Variants in CEACAM16 observed in about 807,000 individuals in gnomAD.
CEACAM16 encodes CEA cell adhesion molecule 16, tectorial membrane component.
CEACAM16 carries 30 observed loss-of-function variants against 39.4 expected under a neutral mutation model. That is an observed-to-expected ratio of 0.76 (90% CI 0.57 to 1.03). The LOEUF is 1.03. Among genes scored for constraint, CEACAM16 ranks in the 50% least tolerant of loss-of-function variants. The pLI is 0.00. For synonymous variants in CEACAM16, 262 were observed against 264.9 expected (o/e 0.99, Z 0.11); for missense variants, 521 against 585.3 (o/e 0.89, Z 1.13).
At chr19:44,709,683 A>T (rs1357640290) in intron 6 of CEACAM16, among the ~76,000 whole-genome samples, 9 of 125,994 alleles carry the variant, frequency 7.1e-5, no homozygotes, top group South Asian at 2.7e-4. Flanking sequence ...AGAGTCAGGG[A>T]CCATGTCTCC....
chr19:44,701,531 C>G lies in CEACAM16; in HGVS notation c.37+38C>G. On this transcript the variant is annotated intron_variant, in intron 2 of 6. Transcript: ENST00000587331. The surrounding 1 kb of genome is among the most constrained non-coding windows in gnomAD (Gnocchi z 4.0). The stretch of plus-strand genomic sequence containing the variant: ...GGCACCCCCCAGCACCTCAGCCCCC[C>G]GAGGACCCCAGGGAGGGGAGGGGAC... 2 of 1,550,746 alleles carry G rather than the reference C, an allele frequency of 1.3e-6. No homozygotes were observed. Among genetic ancestry groups the G allele is most frequent in the Non-Finnish European group, 1.7e-6 (2 of 1,146,282 alleles).
intron 6 of CEACAM16, 71 bp from the exon 7 acceptor site, chr19:44,710,407 AGGGGAGCAGAAGGGGTGG>A: frequency 7.0e-7 from 1 of 1,423,506 alleles, no homozygotes; most frequent in African/African-American, 1.4e-5. Flanking sequence ...CGGGGTGGGC[AGGGGAGCAGAAGGGGTGG>A]GGGCACTGGG....
chr19:44,710,347 C>A, intron 6 of CEACAM16, 149 bp from the exon 7 acceptor site: 1 of 784,486 alleles, frequency 1.3e-6, no homozygotes, highest in Non-Finnish European at 2.0e-6. Context: ...CTTCCTGAAC[C>A]TGAACCTGGC....
chr19:44,703,612 C>T lies in CEACAM16; in HGVS notation c.301C>T (p.Arg101Trp), dbSNP rs747880397. 1.2e-5 allele frequency: 20 copies of T among 1,608,994 alleles called. No homozygotes were observed. The highest frequency in any genetic ancestry group is 1.1e-5 in the South Asian group (1 of 90,510). ...CCTGGACATCCAGGGCATCCTGCCCCGGCACTCAGGCACCTACATCCTGCA... is the reference window on the plus strand; with the variant it reads ...CCTGGACATCCAGGGCATCCTGCCCTGGCACTCAGGCACCTACATCCTGCA... ...GSLDIQGILP[R>W]HSGTYILQTF... is the part of the protein sequence containing the mutation. The change falls in exon 3 of 7, where the codon CGG becomes TGG. Residue 101 changes from arginine (R) to tryptophan (W), a missense_variant. Coordinates refer to ENST00000587331, the MANE Select transcript of CEACAM16 (RefSeq NM_001039213.4).
chr19:44,710,589 C>T lies in CEACAM16; in HGVS notation c.*83C>T. 3 of 1,551,744 alleles carry T rather than the reference C, an allele frequency of 1.9e-6. No individual in the cohort carries two copies. The highest frequency in any genetic ancestry group is 2.7e-6 in the Non-Finnish European group (3 of 1,123,652). ...CGCCCTCTGAGTGGGAACCACTCCC[C>T]CACAGCGAGGATGCCAGGCTGTGGT... is the stretch of plus-strand genomic sequence containing the variant. On this transcript the variant is annotated 3_prime_UTR_variant, in exon 7 of 7. Transcript: ENST00000587331.
At chr19:44,705,978 A>C (rs1434662411) in intron 5 of CEACAM16, 110 bp downstream of exon 5, 1 of 1,294,520 alleles carries the variant, frequency 7.7e-7, no homozygotes, top group Non-Finnish European at 1.1e-6. Context: ...GTAGATTCAC[A>C]GTTCATTCAT....
chr19:44,709,611 C>A (rs987837462), intron 6 of CEACAM16, among the ~76,000 whole-genome samples: 2 of 137,712 alleles, frequency 1.5e-5, no homozygotes, highest in Non-Finnish European at 3.1e-5. Flanking sequence ...CATGTCTCCT[C>A]CATCAGACTG....
At chr19:44,708,895 C>G (rs1974492481) in intron 6 of CEACAM16, among the ~76,000 whole-genome samples, 1 of 151,448 alleles carries the variant, frequency 6.6e-6, no homozygotes, top group African/African-American at 2.4e-5. Flanking sequence ...ACAATGTCTC[C>G]CCCATTGGAT....
chr19:44,703,744 CCTT>C, intron 3 of CEACAM16, 51 bp downstream of exon 3: 3 of 1,281,200 alleles, frequency 2.3e-6, no homozygotes, highest in Non-Finnish European at 3.1e-6. Flanking sequence ...CTTCCCATCT[CCTT>C]CTCAATCCTT....
rs144984805 is a variant in CEACAM16 at position 44,705,921 on chromosome 19, G to A, written c.940+53G>A. The A allele has an allele frequency of 4.0e-5, 62 of 1,564,294 alleles. No individual in the cohort carries two copies. In the African/African-American group the frequency reaches 5.8e-4, roughly 15 times the overall value. ...CCAGTCCCCATGGAGGCCTCATCAGGCTGCGAAGGTTAAGCCACCATTTGC... is the reference window on the plus strand; with the variant it reads ...CCAGTCCCCATGGAGGCCTCATCAGACTGCGAAGGTTAAGCCACCATTTGC... On this transcript the variant is annotated intron_variant, in intron 5 of 6. Transcript: ENST00000587331.
chr19:44,704,369 G>A, intron 4 of CEACAM16, 73 bp downstream of exon 4: 1 of 1,421,336 alleles, frequency 7.0e-7, no homozygotes, highest in East Asian at 2.5e-5. Context: ...GGCCAGGAGA[G>A]GGGGCCTAAG....
rs1222194833 is a variant in CEACAM16, at chr19:44,701,546, G to A, written c.37+53G>A. ...CTCAGCCCCCCGAGGACCCCAGGGA[G>A]GGGAGGGGACCCCCAGTCTGAGAGA... On this transcript the variant is annotated intron_variant, in intron 2 of 6. Transcript: ENST00000587331. The surrounding 1 kb of genome is among the most constrained non-coding windows in gnomAD (Gnocchi z 4.0). 1 of 1,522,708 alleles carries A rather than the reference G, an allele frequency of 6.6e-7. No homozygotes were observed. Among genetic ancestry groups the A allele is most frequent in the Non-Finnish European group, 8.9e-7 (1 of 1,123,402 alleles). 94.3% of individuals were successfully genotyped at this position (1,522,708 alleles called of 1,614,324 possible). A position where few individuals can be genotyped will look rare whatever the true frequency, so the allele number is the denominator to read the frequency against.
chr19:44,702,531 C>T (rs1033478888), intron 2 of CEACAM16, among the ~76,000 whole-genome samples: 1 of 152,270 alleles, frequency 6.6e-6, no homozygotes, highest in Admixed American at 6.5e-5. Flanking sequence ...CTGTCACAGC[C>T]GCCCGTTCCG....
Position 44,704,099 on chromosome 19 carries a change from G to T in CEACAM16, c.464G>T (p.Ser155Ile). Residue 155 changes from serine (S) to isoleucine (I), a missense_variant, in exon 4 of 7, where the codon AGC (serine) becomes ATC (isoleucine). Physicochemically the swap from Ser to Ile is moderately radical, Grantham distance 142. Coordinates refer to ENST00000587331, the MANE Select transcript of CEACAM16 (RefSeq NM_001039213.4). ...GACACCCTGCGCCTTATGTGCAGCA[G>T]CCCCAGCCCCACCGCCGAGGTCCGC... is the stretch of plus-strand genomic sequence containing the variant. ...RRDTLRLMCSSPSPTAEVRWF... is the reference protein window; with the variant it reads ...RRDTLRLMCSIPSPTAEVRWF... 1 of 1,604,106 alleles carries T rather than the reference G, an allele frequency of 6.2e-7. No homozygotes were observed. Among genetic ancestry groups the T allele is most frequent in the Non-Finnish European group, 8.5e-7 (1 of 1,176,594 alleles).
intron 5 of CEACAM16, among the ~76,000 whole-genome samples, chr19:44,706,271 C>CAA (rs1974447340): frequency 1.9e-5 from 1 of 52,488 alleles, no homozygotes; most frequent in Non-Finnish European, 3.1e-5. Flanking sequence ...GATGGGTATA[C>CAA]ACACACACAC....
rs1330706575 is a variant in CEACAM16, at chr19:44,701,665, G to T, written c.37+172G>T. On this transcript the variant is annotated intron_variant, in intron 2 of 6. Coordinates refer to ENST00000587331, the MANE Select transcript of CEACAM16 (RefSeq NM_001039213.4). The surrounding 1 kb of genome is among the most constrained non-coding windows in gnomAD (Gnocchi z 4.0). ...CCCCTCCAAGAGGCATCTGCATTGG[G>T]CAGGCTGGGGACAGCCACCCAGAGA... Among the ~76,000 whole-genome samples the T allele has an allele frequency of 6.6e-6, 1 of 152,212 alleles. No individual in the cohort carries two copies. Among genetic ancestry groups the T allele is most frequent in the Non-Finnish European group, 1.5e-5 (1 of 68,038 alleles).
chr19:44,702,393 G>A (rs977815675), intron 2 of CEACAM16, among the ~76,000 whole-genome samples: 3 of 152,184 alleles, frequency 2.0e-5, no homozygotes, highest in South Asian at 2.1e-4. Context: ...ACCATTGGCC[G>A]CTGTCACACG....
At position 44,708,039 on chromosome 19, in the gene CEACAM16, C is replaced by A; in HGVS notation, c.1119C>A (p.Gly373=). 1 of 1,612,306 alleles carries A rather than the reference C, an allele frequency of 6.2e-7. No individual in the cohort carries two copies. Among genetic ancestry groups the A allele is most frequent in the Non-Finnish European group, 8.5e-7 (1 of 1,179,484 alleles). ...SQLPSGTWIA[G]PAHTGREVGF... is the part of the protein sequence containing the mutation. ...TGCCGTCAGGAACCTGGATTGCAGGCCCCGCGCACACAGGCCGGGAGGTGG... is the reference window on the plus strand; with the variant it reads ...TGCCGTCAGGAACCTGGATTGCAGGACCCGCGCACACAGGCCGGGAGGTGG... Residue 373 remains glycine, a synonymous_variant, in exon 6 of 7, where the codon GGC becomes GGA. Coordinates refer to ENST00000587331, the MANE Select transcript of CEACAM16 (RefSeq NM_001039213.4).
chr19:44,699,622 C>A (rs556332986), intron 1 of CEACAM16, among the ~76,000 whole-genome samples: 1 of 152,148 alleles, frequency 6.6e-6, no homozygotes, highest in South Asian at 2.1e-4. Context: ...GTTGATCCAC[C>A]CACCTCGGCC....
Sources: gnomAD v4.1 joint callset for allele counts (sites outside exome capture counted in the v4.1 genomes callset) on GRCh38, gnomAD v4.1.1 for gene constraint, Gnocchi (gnomAD v3.1) non-coding constraint, MANE v1.5 for transcripts, NCBI Gene and HGNC (gene_info 2026-07-23, HGNC 2026-07-21) for gene names.